The following LILRB5 variants were observed in gnomAD, a reference collection of about 807,000 sequenced individuals.
The protein encoded by LILRB5 is leukocyte immunoglobulin like receptor B5.
A neutral mutation model predicts 68.4 loss-of-function variants in LILRB5; 61 were observed. The observed-to-expected ratio is 0.89, with a 90% CI of 0.73 to 1.10. The LOEUF (loss-of-function observed/expected upper bound fraction) is 1.10, where lower values mean the gene tolerates loss of function less well. Ranked by LOEUF, LILRB5 falls within the 50% of genes least tolerant of loss-of-function variation. The pLI is 0.00. For missense variants in LILRB5, 771 were observed against 751.6 expected, an observed-to-expected ratio of 1.03 and a Z score of -0.30; for synonymous variants, 356 against 315.8, an observed-to-expected ratio of 1.13 and a Z score of -1.35.
At position 54,255,565 on chromosome 19, in the gene LILRB5, A is replaced by C; in HGVS notation, c.673T>G (p.Ser225Ala). 6.2e-7 allele frequency: 1 copy of C among 1,613,216 alleles called. No homozygotes were observed. The highest frequency in any genetic ancestry group is 8.5e-7 in the Non-Finnish European group (1 of 1,179,538). The change falls in exon 5 of 13, where the codon TCC becomes GCC. Residue 225 changes from serine to alanine, a missense_variant. Ser to Ala is a moderately conservative substitution (Grantham distance 99). Coordinates refer to ENST00000449561, the MANE Select transcript of LILRB5 (RefSeq NM_001081442.3). ...ACAGAGCCCTGCGGGATCAGGAGGG[A>C]GGGCTTCCTAGACACGCCTGGAGGG... ...ILVPGVSRKP[S>A]LLIPQGSVVA...
intron 9 of LILRB5, 112 bp from the exon 10 acceptor site, chr19:54,252,661 T>A: frequency 1.6e-6 from 2 of 1,237,402 alleles, no homozygotes; most frequent in Non-Finnish European, 2.3e-6. Flanking sequence ...ACTGAGGCTT[T>A]AAATACGTCG....
rs1569039419 is a variant in LILRB5 at position 54,249,546 on chromosome 19, C to T, written c.*1240G>A. On this transcript the variant is annotated 3_prime_UTR_variant, in exon 13 of 13. Coordinates refer to ENST00000449561, the MANE Select transcript of LILRB5 (RefSeq NM_001081442.3). ...AAACAGAATTTTTTTTAGAGTGTAG[C>T]ATAGAAACTTTATAAATTGCAATTT... 6.6e-6 allele frequency: 1 copy of T among 152,086 alleles called. No individual in the cohort carries two copies. The allele number at this position is 152,086 out of a possible 1,614,324, so 9.4% of individuals were successfully genotyped here. A position where few individuals can be genotyped will look rare whatever the true frequency, so the allele number is the denominator to read the frequency against.
chr19:54,255,377 G>GAC lies in LILRB5; in HGVS notation c.860_861insGT (p.His289ProfsTer28), dbSNP rs1303449440. 6.2e-7 allele frequency: 1 copy of GAC among 1,614,104 alleles called. No individual in the cohort carries two copies. The highest frequency in any genetic ancestry group is 8.5e-7 in the Non-Finnish European group (1 of 1,179,992). ...AGCATCTGTACTGGCCCCCGTGGGAGCGGCTCACAGGGCCCAGGGTGAAGT... is the reference window on the plus strand; with the variant it reads ...AGCATCTGTACTGGCCCCCGTGGGAGACCGGCTCACAGGGCCCAGGGTGAAGT... On this transcript the variant is annotated frameshift_variant, in exon 5 of 13. Transcript: ENST00000449561. LOFTEE classifies it high-confidence loss of function.
chr19:54,254,174 TC>T lies in LILRB5; in HGVS notation c.1307-107del. On this transcript the variant is annotated intron_variant, in intron 7 of 12. Coordinates refer to ENST00000449561, the MANE Select transcript of LILRB5 (RefSeq NM_001081442.3). ...CCAACACCCAACATCTCTCTCTGCC[TC>T]GACGCCCGCCCCCTCACCGGCCCAG... The T allele has an allele frequency of 2.6e-6, 4 of 1,517,760 alleles. No homozygotes were observed. The South Asian group carries it at 5.0e-5, about 19-fold the overall frequency. 94.0% of individuals were successfully genotyped at this position (1,517,760 alleles called of 1,614,324 possible).
In LILRB5 at chr19:54,256,048, ACCAGAATCT is replaced by A. The variant is rs756299710; in HGVS notation, c.641_649del (p.Glu214_Leu216del). On this transcript the variant is annotated inframe_deletion, in exon 4 of 13. Transcript: ENST00000449561. The stretch of plus-strand genomic sequence containing the variant: ...AAGTGTGGTGGCTTTTTCACCTGGG[ACCAGAATCT>A]CCAGGAGGTCACTGGGGTTCGACCA... 543 of 1,537,468 alleles carry A rather than the reference ACCAGAATCT, an allele frequency of 3.5e-4. 1 individual carries two copies. Among genetic ancestry groups the A allele is most frequent in the Non-Finnish European group, 4.5e-4 (521 of 1,145,366 alleles).
Position 54,253,785 on chromosome 19 carries a change from C to T in LILRB5, c.1357+233G>A, listed in dbSNP as rs3786634. 1,024 of 1,421,692 alleles carry T rather than the reference C, an allele frequency of 7.2e-4. 19 individuals carry two copies. The East Asian group carries it at 0.025, about 34-fold the overall frequency. 88.1% of individuals were successfully genotyped at this position (1,421,692 alleles called of 1,614,324 possible). A position where few individuals can be genotyped will look rare whatever the true frequency, so the allele number is the denominator to read the frequency against. ...GAGCCTGAATGCCCCAAACCACGGC[C>T]CTGCTCCCCTCCCCTGCCCCAGGTC... On this transcript the variant is annotated intron_variant, in intron 8 of 12. Transcript: ENST00000449561.
At position 54,250,217 on chromosome 19, in the gene LILRB5, C is replaced by G. The variant is rs898429910; in HGVS notation, c.*569G>C. 1.9e-5 allele frequency: 3 copies of G among 154,004 alleles called. No homozygotes were observed. Among genetic ancestry groups the G allele is most frequent in the African/African-American group, 7.2e-5 (3 of 41,406 alleles). The allele number at this position is 154,004 out of a possible 1,614,324, so 9.5% of individuals were successfully genotyped here. A position where few individuals can be genotyped will look rare whatever the true frequency, so the allele number is the denominator to read the frequency against. ...TTCACCCCCATATGGAAATGTGTGC[C>G]TGAACCCCGCTTTTTTCCTTGCTTA... is the stretch of plus-strand genomic sequence containing the variant. On this transcript the variant is annotated 3_prime_UTR_variant, in exon 13 of 13. Coordinates refer to ENST00000449561, the MANE Select transcript of LILRB5 (RefSeq NM_001081442.3).
chr19:54,255,062 G>C lies in LILRB5; in HGVS notation c.953-25C>G, dbSNP rs763132001. 4.4e-6 allele frequency: 7 copies of C among 1,577,446 alleles called. 1 individual carries two copies. In the South Asian group the frequency reaches 8.2e-5, roughly 18 times the overall value. ...CCTGGAGAGAAGAAGGATGGGTGAG[G>C]GGCTGCCCCACCTTGCTCTGAGCTG... On this transcript the variant is annotated intron_variant, in intron 5 of 12. Transcript: ENST00000449561.
At chr19:54,252,174 C>T in intron 11 of LILRB5, 68 bp from the exon 12 acceptor site, 2 of 1,571,394 alleles carry the variant, frequency 1.3e-6, no homozygotes, top group Admixed American at 1.7e-5. Context: ...CCTGCCAGCC[C>T]TTGCCCTGTT....
chr19:54,255,359 G>C lies in LILRB5; in HGVS notation c.879C>G (p.Tyr293Ter). ...AGAGGTTGTGTGCACCGTAGCATCT[G>C]TACTGGCCCCCGTGGGAGCGGCTCA... ...GPVSRSHGGQ[Y>*]RCYGAHNLSP... The change falls in exon 5 of 13, where the codon TAC becomes TAG. Residue 293 changes from tyrosine to a stop codon, truncating the protein, a stop_gained. Transcript: ENST00000449561. LOFTEE classifies it high-confidence loss of function. The C allele has an allele frequency of 6.2e-7, 1 of 1,614,106 alleles. No homozygotes were observed. The highest frequency in any genetic ancestry group is 8.5e-7 in the Non-Finnish European group (1 of 1,180,016).
rs1471094387 is a variant in LILRB5, at chr19:54,251,393, A to G, written c.1630-461T>C. 4.8e-5 allele frequency: 31 copies of G among 651,842 alleles called. 2 individuals are homozygous for G. The highest frequency in any genetic ancestry group is 1.8e-5 in the Non-Finnish European group (7 of 384,074). The allele number at this position is 651,842 out of a possible 1,614,324, so 40.4% of individuals were successfully genotyped here. ...CTGCAGCCTCACGGGCCTTCCCGCA[A>G]GAGCTCGCTGCTGCCTCGGGGCCTT... On this transcript the variant is annotated intron_variant, in intron 12 of 12. Coordinates refer to ENST00000449561, the MANE Select transcript of LILRB5 (RefSeq NM_001081442.3).
Position 54,255,538 on chromosome 19 carries a change from C to A in LILRB5, c.700G>T (p.Val234Leu). 6.2e-7 allele frequency: 1 copy of A among 1,613,980 alleles called. No individual in the cohort carries two copies. Among genetic ancestry groups the A allele is most frequent in the South Asian group, 1.1e-5 (1 of 91,086 alleles). Residue 234 changes from valine (V) to leucine (L), a missense_variant, in exon 5 of 13, where the codon GTG becomes TTG. By Grantham distance (32) the Val-to-Leu change is conservative. Transcript: ENST00000449561. ...AGGGTCAGGCTGCCTCCGCGGGCCA[C>A]GACAGAGCCCTGCGGGATCAGGAGG... ...PSLLIPQGSVVARGGSLTLQC... is the reference protein window; with the variant it reads ...PSLLIPQGSVLARGGSLTLQC...
rs2078978884 is a variant in LILRB5 at position 54,252,175 on chromosome 19, T to C, written c.1577-69A>G. The C allele has an allele frequency of 1.9e-6, 3 of 1,568,582 alleles. No homozygotes were observed. The Admixed American group carries it at 5.0e-5, about 26-fold the overall frequency. On this transcript the variant is annotated intron_variant, in intron 11 of 12. Coordinates refer to ENST00000449561, the MANE Select transcript of LILRB5 (RefSeq NM_001081442.3). ...TGAGACTTCTCCGTCCTGCCAGCCC[T>C]TGCCCTGTTCCCACTAGGGTGGCTG...
Position 54,252,950 on chromosome 19 carries a change from T to C in LILRB5, c.1395A>G (p.Ser465=). 9 of 1,580,640 alleles carry C rather than the reference T, an allele frequency of 5.7e-6. No individual in the cohort carries two copies. Among genetic ancestry groups the C allele is most frequent in the Non-Finnish European group, 6.9e-6 (8 of 1,159,102 alleles). ...GRHLGVVTGV[S]VAFVLLLFLL... The stretch of plus-strand genomic sequence containing the variant: ...GGAACAGCAGCAGGACGAAGGCCAC[T>C]GAGACCCCAGTCACAACCCCCAGGT... Residue 465 remains serine, a synonymous_variant, in exon 9 of 13, where the codon TCA becomes TCG. Transcript: ENST00000449561.
rs377319354 is a variant in LILRB5 at position 54,254,784 on chromosome 19, G to A, written c.1206C>T (p.Tyr402=). Residue 402 remains tyrosine (Y), a synonymous_variant, in exon 6 of 13, where the codon TAC becomes TAT. Coordinates refer to ENST00000449561, the MANE Select transcript of LILRB5 (RefSeq NM_001081442.3). Reference sequence around the variant, plus strand: ...AACTAGGGCTGGACAGCAGGTAGGGGTAGGACCTGATTGCGCTGTAGCATC... The same window carrying A: ...AACTAGGGCTGGACAGCAGGTAGGGATAGGACCTGATTGCGCTGTAGCATC... ...TYRCYSAIRS[Y]PYLLSSPSYP... 154 of 1,614,040 alleles carry A rather than the reference G, an allele frequency of 9.5e-5. 1 individual carries two copies. The highest frequency in any genetic ancestry group is 1.3e-4 in the Non-Finnish European group (148 of 1,180,012).
intron 7 of LILRB5, 108 bp from the exon 8 acceptor site, chr19:54,254,176 G>C (rs962688154): frequency 2.0e-6 from 3 of 1,515,136 alleles, no homozygotes; most frequent in African/African-American, 2.8e-5. Flanking sequence ...TCTCTGCCTC[G>C]ACGCCCGCCC....
At chr19:54,251,787 C>A (rs557728825) in intron 12 of LILRB5, 1 of 683,642 alleles carries the variant, frequency 1.5e-6, no homozygotes, top group Non-Finnish European at 2.7e-6. Context: ...TCATTTATTC[C>A]TCATCCTCCT....
intron 8 of LILRB5, chr19:54,253,491 T>C (rs964303578): frequency 1.8e-5 from 5 of 272,810 alleles, no homozygotes; most frequent in African/African-American, 6.7e-5. Context: ...GCTCTGTGTG[T>C]ATCTGGGAAG....
chr19:54,255,755 G>A, intron 4 of LILRB5, 173 bp from the exon 5 acceptor site: 3 of 843,036 alleles, frequency 3.6e-6, no homozygotes, highest in South Asian at 3.6e-5. Context: ...GACCGATAGT[G>A]TCTCTCTGAC....
Sources: gnomAD v4.1 joint callset for allele counts on GRCh38, gnomAD v4.1.1 for gene constraint, MANE v1.5 for transcripts, NCBI Gene and HGNC (gene_info 2026-07-23, HGNC 2026-07-21) for gene names.